SRPX: variants seen among roughly 807,000 people sequenced by gnomAD.
SRPX encodes sushi repeat-containing protein SRPX.
In SRPX, 24 loss-of-function variants were observed where a neutral mutation model predicts 38.1. The ratio of observed to expected loss-of-function variants is 0.63; its 90% CI spans 0.46 to 0.89. SRPX has a LOEUF of 0.89. Among genes scored for constraint, SRPX ranks in the 40% least tolerant of loss-of-function variants. The probability of loss-of-function intolerance (pLI) is 0.00; values close to 1 mark genes in which losing one functional copy is unlikely to be tolerated. For missense variants in SRPX, 416 were observed against 377.8 expected (o/e 1.10, Z -0.84); for synonymous variants, 184 against 153.8 (o/e 1.20, Z -1.45).
rs768005327 is a variant in SRPX, at chrX:38,169,293, T to C, written c.526+2588A>G. On this transcript the variant is annotated intron_variant, in intron 4 of 9. Coordinates refer to ENST00000378533, the MANE Select transcript of SRPX (RefSeq NM_006307.5). The stretch of plus-strand genomic sequence containing the variant: ...ACATTCATTCTTAGCCCTACTGATG[T>C]TTGCATCAACTGAATAATGCAATGC... 7.1e-5 allele frequency among the ~76,000 whole-genome samples: 8 copies of C among 112,122 alleles called. No homozygotes were observed. The South Asian group carries it at 3.0e-3, about 42-fold the overall frequency.
At chrX:38,206,350 C>T (rs974493892) in intron 1 of SRPX, among the ~76,000 whole-genome samples, 1 of 112,119 alleles carries the variant, frequency 8.9e-6, no homozygotes, top group African/African-American at 3.2e-5. Context: ...TGAGCCGTCC[C>T]CCAAAGTCCT....
At chrX:38,219,021 G>C (rs1288193794) in intron 1 of SRPX, among the ~76,000 whole-genome samples, 1 of 109,610 alleles carries the variant, frequency 9.1e-6, no homozygotes, top group African/African-American at 3.3e-5. Context: ...GCTAAAAGTT[G>C]GGAGCAGCTT....
At chrX:38,171,515 T>C (rs768027131) in intron 4 of SRPX, among the ~76,000 whole-genome samples, 13 of 111,695 alleles carry the variant, frequency 1.2e-4, no homozygotes, top group Admixed American at 2.9e-4. Context: ...AGAAGCTACA[T>C]TGGGGCTGAA....
At chrX:38,160,302 C>T (rs1412187848) in intron 6 of SRPX, 106 bp from the exon 7 acceptor site, 7 of 801,006 alleles carry the variant, frequency 8.7e-6, no homozygotes, top group African/African-American at 2.1e-5. Flanking sequence ...CAGGCTTCTA[C>T]ATCAGCCTGT....
intron 2 of SRPX, among the ~76,000 whole-genome samples, chrX:38,177,526 C>A (rs1938587230): frequency 1.0e-5 from 1 of 100,219 alleles, no homozygotes; most frequent in African/African-American, 3.6e-5. Flanking sequence ...GGGCAAAATG[C>A]CGCAGTGAAA....
intron 2 of SRPX, 77 bp downstream of exon 2, chrX:38,178,208 A>C (rs1253420310): frequency 2.5e-6 from 2 of 793,567 alleles, no homozygotes; most frequent in South Asian, 2.6e-5. Context: ...ACTTTATTAC[A>C]ATCTGTTTCA....
chrX:38,166,938 C>T (rs1377822388), intron 4 of SRPX, among the ~76,000 whole-genome samples: 1 of 111,740 alleles, frequency 8.9e-6, no homozygotes, highest in Non-Finnish European at 1.9e-5. Context: ...TTCCCAAAGC[C>T]AGCTTATCTC....
chrX:38,180,274 T>G (rs952546867), intron 1 of SRPX, among the ~76,000 whole-genome samples: 3 of 111,750 alleles, frequency 2.7e-5, no homozygotes, highest in Non-Finnish European at 5.6e-5. Context: ...CATGAAGCTC[T>G]CTTCTGCAGT....
intron 5 of SRPX, among the ~76,000 whole-genome samples, chrX:38,163,462 C>T (rs887218491): frequency 8.9e-6 from 1 of 112,018 alleles, no homozygotes; most frequent in African/African-American, 3.2e-5. Flanking sequence ...TGCCCATAAA[C>T]TTTAAGGCAC....
In SRPX at chrX:38,149,841, T is replaced by C; in HGVS notation, c.1265A>G (p.His422Arg). 1 of 1,211,356 alleles carries C rather than the reference T, an allele frequency of 8.3e-7. No homozygotes were observed. Among genetic ancestry groups the C allele is most frequent in the Non-Finnish European group, 1.1e-6 (1 of 895,353 alleles). ...GACATAGCGCTCTTTGTCCATGCCA[T>C]GCTTATCCACTAGCACCATACTGAA... is the stretch of plus-strand genomic sequence containing the variant. ...YSFSMVLVDK[H>R]GMDKERYVSL... Residue 422 changes from histidine to arginine, a missense_variant, in exon 10 of 10, where the codon CAT (histidine) becomes CGT (arginine). Coordinates refer to ENST00000378533, the MANE Select transcript of SRPX (RefSeq NM_006307.5).
intron 1 of SRPX, among the ~76,000 whole-genome samples, chrX:38,219,060 CA>C (rs34797252): frequency 0.21 from 23,564 of 110,323 alleles, 2,232 homozygotes; most frequent in Non-Finnish European, 0.3. Flanking sequence ...CCAGGAAAGC[CA>C]GGGATAGGTC....
chrX:38,162,821 A>T (rs1476431779), intron 5 of SRPX, among the ~76,000 whole-genome samples: 1 of 112,668 alleles, frequency 8.9e-6, no homozygotes, highest in African/African-American at 3.2e-5. Context: ...CTCAAAAAAT[A>T]AAAAAATCAA....
At chrX:38,181,698 C>G (rs1002209236) in intron 1 of SRPX, among the ~76,000 whole-genome samples, 1 of 111,847 alleles carries the variant, frequency 8.9e-6, no homozygotes, top group African/African-American at 3.3e-5. Context: ...TTGTGAGTAC[C>G]TTATTTCCTG....
rs187147474 is a variant in SRPX, at chrX:38,162,206, G to A, written c.654-1152C>T. On this transcript the variant is annotated intron_variant, in intron 5 of 9. Coordinates refer to ENST00000378533, the MANE Select transcript of SRPX (RefSeq NM_006307.5). ...CTGTGACATGCAAATAACAGAAGGA[G>A]TAAATAAGGGAACTCACAAGAAGCA... is the stretch of plus-strand genomic sequence containing the variant. Among the ~76,000 whole-genome samples the A allele has an allele frequency of 3.6e-5, 4 of 112,435 alleles. No homozygotes were observed. In the East Asian group the frequency reaches 1.1e-3, roughly 31 times the overall value.
chrX:38,196,115 CA>C (rs962711980), intron 1 of SRPX, among the ~76,000 whole-genome samples: 7 of 110,996 alleles, frequency 6.3e-5, no homozygotes, highest in Non-Finnish European at 1.1e-4. Context: ...AGATTATTAA[CA>C]AAAAAAATAG....
At chrX:38,187,334 A>G (rs1938806043) in intron 1 of SRPX, among the ~76,000 whole-genome samples, 1 of 111,937 alleles carries the variant, frequency 8.9e-6, no homozygotes, top group African/African-American at 3.2e-5. Context: ...TCCTCTAACA[A>G]TCCTGTATGA....
At chrX:38,212,867 G>C (rs1249369450) in intron 1 of SRPX, among the ~76,000 whole-genome samples, 1 of 111,313 alleles carries the variant, frequency 9.0e-6, no homozygotes, top group Non-Finnish European at 1.9e-5. Flanking sequence ...TCAAGTCCTT[G>C]AGTCTTGGGC....
At position 38,156,928 on chromosome X, in the gene SRPX, G is replaced by A. The variant is rs748554016; in HGVS notation, c.1057C>T (p.Leu353Phe). The change falls in exon 8 of 10, where the codon CTC (leucine) becomes TTC (phenylalanine). Residue 353 changes from leucine (L) to phenylalanine (F), a missense_variant. Transcript: ENST00000378533. ...ATTCCTAGCTGGAGCCGGTAAAGGA[G>A]GTTTCGGGCTGTGGGTGTGGACACA... ...LIVSTPTARN[L>F]LYRLQLGMLQ... 2 of 1,211,524 alleles carry A rather than the reference G, an allele frequency of 1.7e-6. No homozygotes were observed. Among genetic ancestry groups the A allele is most frequent in the Admixed American group, 4.3e-5 (2 of 46,055 alleles).
At chrX:38,179,305 T>G (rs1052156233) in intron 1 of SRPX, among the ~76,000 whole-genome samples, 3 of 112,382 alleles carry the variant, frequency 2.7e-5, no homozygotes, top group African/African-American at 9.7e-5. Context: ...AGAGAACGTC[T>G]GTGTATTATT....
Sources: gnomAD v4.1 joint callset for allele counts (sites outside exome capture counted in the v4.1 genomes callset) on GRCh38, gnomAD v4.1.1 for gene constraint, MANE v1.5 for transcripts, NCBI Gene and HGNC (gene_info 2026-07-23, HGNC 2026-07-21) for gene names.